The following ARHGAP22 variants were observed in gnomAD, a reference collection of about 807,000 sequenced individuals.
The protein encoded by ARHGAP22 is Rho GTPase activating protein 22.
ARHGAP22 carries 48 observed loss-of-function variants against 59.1 expected under a neutral mutation model. The ratio of observed to expected loss-of-function variants is 0.81; its 90% CI spans 0.64 to 1.03. The LOEUF is 1.03. Among genes scored for constraint, ARHGAP22 ranks in the 50% least tolerant of loss-of-function variants. ARHGAP22 has a pLI of 0.00. For synonymous variants in ARHGAP22, 445 were observed against 416.4 expected (o/e 1.07, Z -0.84); for missense variants, 1,015 against 958.7 (o/e 1.06, Z -0.78).
chr10:48,597,189 G>A (rs760917779), intron 1 of ARHGAP22, among the ~76,000 whole-genome samples: 8 of 152,106 alleles, frequency 5.3e-5, no homozygotes, highest in Non-Finnish European at 1.0e-4. Flanking sequence ...GTCTGCGAAT[G>A]TGAGGCAGGA....
At chr10:48,524,961 G>A (rs567091287) in intron 3 of ARHGAP22, among the ~76,000 whole-genome samples, 1 of 152,334 alleles carries the variant, frequency 6.6e-6, no homozygotes, top group South Asian at 2.1e-4. Context: ...AATTAAATGA[G>A]TTGATATATA....
At chr10:48,496,416 T>C (rs1409541705) in intron 3 of ARHGAP22, among the ~76,000 whole-genome samples, 1 of 152,188 alleles carries the variant, frequency 6.6e-6, no homozygotes, top group Non-Finnish European at 1.5e-5. Context: ...CATTTTATCC[T>C]CTCCATAGCT....
intron 5 of ARHGAP22, among the ~76,000 whole-genome samples, chr10:48,459,412 C>T (rs944488594): frequency 6.6e-6 from 1 of 152,224 alleles, no homozygotes; most frequent in African/African-American, 2.4e-5. Context: ...AGCAGAGGTC[C>T]TTTTCTTCCT....
chr10:48,561,380 C>T (rs2135392059), intron 2 of ARHGAP22, among the ~76,000 whole-genome samples: 1 of 152,228 alleles, frequency 6.6e-6, no homozygotes, highest in African/African-American at 2.4e-5. Context: ...TACCTAAACA[C>T]AAAATCTGAG....
At chr10:48,655,324 A>G (rs2062778209), upstream of ARHGAP22, among the ~76,000 whole-genome samples, 1 of 143,948 alleles carries the variant, frequency 6.9e-6, no homozygotes, top group South Asian at 2.2e-4. Context: ...ATCAGGAACC[A>G]CCTCTGTGAC....
At chr10:48,475,414 G>A (rs1233686833) in intron 4 of ARHGAP22, among the ~76,000 whole-genome samples, 2 of 152,064 alleles carry the variant, frequency 1.3e-5, no homozygotes. Context: ...TGATTTCTAG[G>A]CTGAAATATC....
intron 3 of ARHGAP22, among the ~76,000 whole-genome samples, chr10:48,524,431 C>T (rs111924540): frequency 0.27 from 41,207 of 151,776 alleles, 6,328 homozygotes; most frequent in African/African-American, 0.4. Flanking sequence ...GTTACTCTCC[C>T]GGGGTGCCGG....
rs147539649 is a variant in ARHGAP22, at chr10:48,562,470, A to C, written c.235-6920T>G. Among the ~76,000 whole-genome samples, 61 of 152,278 alleles carry C rather than the reference A, an allele frequency of 4.0e-4. No homozygotes were observed. The East Asian group carries it at 0.01, about 26-fold the overall frequency. ...ACTACCCAGCAATATGAATGAATGA[A>C]CTCTTAATGCACGCTGCAACATGGA... On this transcript the variant is annotated intron_variant, in intron 2 of 9. Transcript: ENST00000249601.
At chr10:48,444,328 C>T (rs549158057), downstream of ARHGAP22, 5 of 152,328 alleles carry the variant, frequency 3.3e-5, no homozygotes, top group Non-Finnish European at 7.3e-5. Context: ...ACTAGAGCCC[C>T]CGCGACAGGT....
chr10:48,530,697 T>C (rs2054759747), intron 3 of ARHGAP22, among the ~76,000 whole-genome samples: 1 of 151,924 alleles, frequency 6.6e-6, no homozygotes. Flanking sequence ...ATCAGGGAAA[T>C]GCAAATCAAA....
intron 3 of ARHGAP22, among the ~76,000 whole-genome samples, chr10:48,507,461 A>G (rs1589821898): frequency 6.6e-6 from 1 of 152,250 alleles, no homozygotes; most frequent in Non-Finnish European, 1.5e-5. Flanking sequence ...TGACATCAGG[A>G]GGTGATGGCT....
At chr10:48,552,285 C>T (rs1354306034) in intron 3 of ARHGAP22, among the ~76,000 whole-genome samples, 1 of 152,272 alleles carries the variant, frequency 6.6e-6, no homozygotes, top group Non-Finnish European at 1.5e-5. Flanking sequence ...CAGGCATAGC[C>T]TGGAAGTGAT....
downstream of ARHGAP22, chr10:48,444,279 A>G (rs1589373606): frequency 6.6e-6 from 1 of 152,316 alleles, no homozygotes; most frequent in Non-Finnish European, 1.5e-5. Context: ...AGGTTCAGCA[A>G]ATGTAACTCA....
intron 1 of ARHGAP22, among the ~76,000 whole-genome samples, chr10:48,587,210 C>T (rs182498342): frequency 1.3e-3 from 203 of 152,324 alleles, no homozygotes; most frequent in African/African-American, 4.5e-3. Flanking sequence ...CCATCTCAAG[C>T]CAGCAAGGGG....
chr10:48,614,600 C>CA (rs940259779), intron 1 of ARHGAP22, among the ~76,000 whole-genome samples: 4 of 152,136 alleles, frequency 2.6e-5, no homozygotes, highest in Non-Finnish European at 5.9e-5. Context: ...GCAACAACAA[C>CA]AAAAAAGTGA....
chr10:48,587,012 T>C (rs1186064451), intron 1 of ARHGAP22, among the ~76,000 whole-genome samples: 1 of 152,206 alleles, frequency 6.6e-6, no homozygotes, highest in Non-Finnish European at 1.5e-5. Flanking sequence ...CTATCCCGCA[T>C]CTGTGCTGCA....
chr10:48,529,677 C>G (rs899984269), intron 3 of ARHGAP22, among the ~76,000 whole-genome samples: 3 of 152,188 alleles, frequency 2.0e-5, no homozygotes, highest in African/African-American at 4.8e-5. Context: ...CTGTCCCCAC[C>G]AAGCCATGGC....
rs1193500559 is a variant in ARHGAP22, at chr10:48,450,336, G to A, written c.1793C>T (p.Ala598Val). Reference protein sequence around the residue: ...PTREHARRSEALQGLVTELRA... With the variant: ...PTREHARRSEVLQGLVTELRA... ...GAGCTCAGTGACCAGCCCCTGTAAG[G>A]CCTCGGAGCGGCGCGCGTGTTCCCG... is the stretch of plus-strand genomic sequence containing the variant. Residue 598 changes from alanine (A) to valine (V), a missense_variant, in exon 9 of 10, where the codon GCC (alanine) becomes GTC (valine). Coordinates refer to ENST00000249601, the MANE Select transcript of ARHGAP22 (RefSeq NM_021226.4). 6.9e-6 allele frequency: 11 copies of A among 1,599,674 alleles called. No individual in the cohort carries two copies. The highest frequency in any genetic ancestry group is 1.3e-5 in the African/African-American group (1 of 74,630).
chr10:48,549,303 T>G (rs1035882516), intron 3 of ARHGAP22, among the ~76,000 whole-genome samples: 1 of 152,142 alleles, frequency 6.6e-6, no homozygotes, highest in African/African-American at 2.4e-5. Flanking sequence ...GGCCTGGCAA[T>G]GGGATGGGCT....
Sources: gnomAD v4.1 joint callset for allele counts (sites outside exome capture counted in the v4.1 genomes callset) on GRCh38, gnomAD v4.1.1 for gene constraint, MANE v1.5 for transcripts, NCBI Gene and HGNC (gene_info 2026-07-23, HGNC 2026-07-21) for gene names.